CADM1: variants seen among roughly 807,000 people sequenced by gnomAD.
CADM1 encodes the protein cell adhesion molecule 1, also known as TSLC-1.
In CADM1, 15 loss-of-function variants were observed where a neutral mutation model predicts 53.1. The observed-to-expected ratio is 0.28, with a 90% CI of 0.19 to 0.44. The LOEUF is 0.44. CADM1 is among the 20% of genes least tolerant of loss of function. The pLI is 1.00. For synonymous variants in CADM1, 281 were observed against 243.0 expected (o/e 1.16, Z -1.45); for missense variants, 434 against 611.3 (o/e 0.71, Z 3.06).
intron 1 of CADM1, among the ~76,000 whole-genome samples, chr11:115,293,419 C>T (rs1002875404): frequency 6.6e-6 from 1 of 151,878 alleles, no homozygotes; most frequent in Admixed American, 6.6e-5. Context: ...GGCGACAGAG[C>T]GAGACTCCGT....
intron 1 of CADM1, among the ~76,000 whole-genome samples, chr11:115,288,249 TG>T (rs1943783434): frequency 6.6e-6 from 1 of 152,096 alleles, no homozygotes; most frequent in Non-Finnish European, 1.5e-5. Context: ...GGGGAGAGAA[TG>T]GGTCATCTAG....
intron 1 of CADM1, among the ~76,000 whole-genome samples, chr11:115,267,316 C>T (rs1486421358): frequency 1.3e-5 from 2 of 152,222 alleles, no homozygotes; most frequent in Non-Finnish European, 2.9e-5. Flanking sequence ...CTGGCTAGCA[C>T]ACCATGCACT....
chr11:115,245,878 T>G (rs969301242), intron 1 of CADM1, among the ~76,000 whole-genome samples: 12 of 152,256 alleles, frequency 7.9e-5, no homozygotes, highest in African/African-American at 2.7e-4. Context: ...TTCAATTCAT[T>G]AAACTGTTCC....
chr11:115,403,587 T>C (rs1351592200), intron 1 of CADM1, among the ~76,000 whole-genome samples: 1 of 152,142 alleles, frequency 6.6e-6, no homozygotes, highest in Non-Finnish European at 1.5e-5. Flanking sequence ...AGTTAATTTT[T>C]TTGTTTTTAA....
At chr11:115,482,561 A>G (rs1949282480) in intron 1 of CADM1, among the ~76,000 whole-genome samples, 1 of 152,214 alleles carries the variant, frequency 6.6e-6, no homozygotes, top group Non-Finnish European at 1.5e-5. Context: ...ACTGTAGCCC[A>G]GAGCCTTCTT....
At chr11:115,452,848 C>G (rs1948604550) in intron 1 of CADM1, among the ~76,000 whole-genome samples, 1 of 152,068 alleles carries the variant, frequency 6.6e-6, no homozygotes, top group Admixed American at 6.5e-5. Flanking sequence ...ATCTATTATA[C>G]TTTGGTCTCC....
chr11:115,302,466 C>A (rs754959195), intron 1 of CADM1, among the ~76,000 whole-genome samples: 1 of 151,774 alleles, frequency 6.6e-6, no homozygotes, highest in African/African-American at 2.4e-5. Flanking sequence ...ATTTTTCCTA[C>A]GAAAATACAG....
chr11:115,503,395 G>A (rs1949775532), intron 1 of CADM1, among the ~76,000 whole-genome samples: 1 of 152,160 alleles, frequency 6.6e-6, no homozygotes, highest in Admixed American at 6.5e-5. Flanking sequence ...AGGCCCGCAG[G>A]GTGCCCGCCT....
At chr11:115,278,119 T>A (rs1178967353) in intron 1 of CADM1, among the ~76,000 whole-genome samples, 2 of 152,154 alleles carry the variant, frequency 1.3e-5, no homozygotes, top group Non-Finnish European at 1.5e-5. Context: ...CCTTGCCTGA[T>A]TATGTTGCAT....
chr11:115,421,252 A>C (rs547256222), intron 1 of CADM1, among the ~76,000 whole-genome samples: 47 of 152,324 alleles, frequency 3.1e-4, no homozygotes, highest in Admixed American at 1.2e-3. Flanking sequence ...GGCCTTGCTA[A>C]AACAATCTTG....
At chr11:115,248,415 G>C (rs906657670) in intron 1 of CADM1, among the ~76,000 whole-genome samples, 1 of 152,180 alleles carries the variant, frequency 6.6e-6, no homozygotes, top group African/African-American at 2.4e-5. Flanking sequence ...CTGAAGGTCT[G>C]AGCTATCTGA....
At chr11:115,271,440 G>A (rs1943296202) in intron 1 of CADM1, among the ~76,000 whole-genome samples, 1 of 152,000 alleles carries the variant, frequency 6.6e-6, no homozygotes. Context: ...CTACAACCAC[G>A]CCCAGCTAAT....
intron 1 of CADM1, among the ~76,000 whole-genome samples, chr11:115,493,927 A>C (rs1949553298): frequency 6.6e-6 from 1 of 152,206 alleles, no homozygotes; most frequent in Non-Finnish European, 1.5e-5. Context: ...CCAATGTGTG[A>C]TCTCTGATAG....
intron 1 of CADM1, among the ~76,000 whole-genome samples, chr11:115,443,720 A>G (rs1948381905): frequency 6.6e-6 from 1 of 152,248 alleles, no homozygotes; most frequent in Non-Finnish European, 1.5e-5. Context: ...CATTTTTTGC[A>G]TACCCAGTAT....
intron 1 of CADM1, among the ~76,000 whole-genome samples, chr11:115,242,389 C>T (rs1942269738): frequency 6.7e-6 from 1 of 149,202 alleles, no homozygotes; most frequent in South Asian, 2.1e-4. Flanking sequence ...TAGTGCATTA[C>T]TGTGACAAAC....
intron 1 of CADM1, among the ~76,000 whole-genome samples, chr11:115,365,488 T>C (rs2135107971): frequency 6.6e-6 from 1 of 152,200 alleles, no homozygotes; most frequent in East Asian, 1.9e-4. Flanking sequence ...GGGTATTGTT[T>C]ATACAAGAAA....
intron 1 of CADM1, among the ~76,000 whole-genome samples, chr11:115,450,735 T>C (rs1427717722): frequency 2.6e-5 from 4 of 152,234 alleles, no homozygotes; most frequent in Non-Finnish European, 5.9e-5. Flanking sequence ...ATGGCTATCA[T>C]TGCCAGTGAG....
chr11:115,399,507 C>T (rs981587943), intron 1 of CADM1: 2 of 152,122 alleles, frequency 1.3e-5, no homozygotes, highest in African/African-American at 4.8e-5. Flanking sequence ...ATAAGATTGT[C>T]ACTTACCTAA....
At position 115,190,962 on chromosome 11, in the gene CADM1, G is replaced by A. The variant is rs558727625; in HGVS notation, c.1112-21C>T. On this transcript the variant is annotated intron_variant, in intron 9 of 11. Transcript: ENST00000331581. ...AAGGCCTTACAAGTAAAAACAAATC[G>A]TTTTTCTTTTCATTCCTCGAGGGAC... 192 of 1,577,616 alleles carry A rather than the reference G, an allele frequency of 1.2e-4. 1 individual carries two copies. The South Asian group carries it at 1.9e-3, about 15-fold the overall frequency.
Sources: allele counts gnomAD v4.1 joint callset (sites outside exome capture counted in the v4.1 genomes callset), GRCh38; gene constraint gnomAD v4.1.1; transcripts MANE v1.5; gene names NCBI Gene and HGNC (gene_info 2026-07-23, HGNC 2026-07-21).